Variants in DBNL observed in about 807,000 individuals in gnomAD.
DBNL encodes drebrin like, also known as drebrin-like protein.
DBNL carries 35 observed loss-of-function variants against 62.2 expected under a neutral mutation model. The ratio of observed to expected loss-of-function variants is 0.56; its 90% CI spans 0.43 to 0.75. DBNL has a LOEUF of 0.75. Among genes scored for constraint, DBNL ranks in the 30% least tolerant of loss-of-function variants. The probability of loss-of-function intolerance (pLI) is 0.00; values close to 1 mark genes in which losing one functional copy is unlikely to be tolerated. For missense variants in DBNL, 495 were observed against 578.4 expected (o/e 0.86, Z 1.48); for synonymous variants, 197 against 218.0 (o/e 0.90, Z 0.85).
intron 1 of DBNL, 162 bp from the exon 2 acceptor site, chr7:44,050,063 C>T: frequency 1.5e-6 from 1 of 667,854 alleles, no homozygotes; most frequent in Admixed American, 2.5e-5. Flanking sequence ...TACTGAGAAC[C>T]TGCCTAGTGG....
chr7:44,059,445 G>A lies in DBNL; in HGVS notation c.927G>A (p.Arg309=). Residue 309 remains arginine (R), a synonymous_variant, in exon 10 of 13, where the codon AGG becomes AGA. Coordinates refer to ENST00000448521, the MANE Select transcript of DBNL (RefSeq NM_001014436.3). The surrounding 1 kb of genome is among the most constrained non-coding windows in gnomAD (Gnocchi z 4.1). ...CAGCTGCTGCCATCTCAAGGCCCAG[G>A]GCAGGCAAGGCGCTTGTCACCCCAT... ...REPAAAISRP[R]ADLPAEEPAP... 6.2e-7 allele frequency: 1 copy of A among 1,614,044 alleles called. No individual in the cohort carries two copies. Among genetic ancestry groups the A allele is most frequent in the South Asian group, 1.1e-5 (1 of 91,082 alleles).
intron 1 of DBNL, among the ~76,000 whole-genome samples, chr7:44,048,699 G>T (rs552589658): frequency 7.2e-4 from 109 of 152,328 alleles, no homozygotes; most frequent in African/African-American, 2.5e-3. Flanking sequence ...TTTAGAGCCT[G>T]GGGAGATGAC....
chr7:44,057,493 G>A (rs911654671), intron 5 of DBNL, among the ~76,000 whole-genome samples: 1 of 152,202 alleles, frequency 6.6e-6, no homozygotes, highest in African/African-American at 2.4e-5. Context: ...GGGTATGGGG[G>A]CCTTTCTTGC....
chr7:44,054,531 T>C (rs769619962), intron 4 of DBNL, among the ~76,000 whole-genome samples: 4 of 152,102 alleles, frequency 2.6e-5, no homozygotes, highest in Non-Finnish European at 4.4e-5. Context: ...GTTGTACATA[T>C]TTTTTGCATA....
Position 44,053,421 on chromosome 7 carries a change from TGGTCACTTGTCA to T in DBNL, c.327+484_327+495del, listed in dbSNP as rs1233367120. ...AACTATTTGTAACAAAAGCATTTGT[TGGTCACTTGTCA>T]GGTAACTTTTTGCATTTCTCTGGCA... On this transcript the variant is annotated intron_variant, in intron 4 of 12. Coordinates refer to ENST00000448521, the MANE Select transcript of DBNL (RefSeq NM_001014436.3). Among the ~76,000 whole-genome samples the T allele has an allele frequency of 2.0e-5, 3 of 152,220 alleles. No individual in the cohort carries two copies. In the East Asian group the frequency reaches 5.8e-4, roughly 29 times the overall value.
At chr7:44,048,162 G>A (rs1585976769) in intron 1 of DBNL, among the ~76,000 whole-genome samples, 2 of 152,230 alleles carry the variant, frequency 1.3e-5, no homozygotes, top group South Asian at 2.1e-4. Flanking sequence ...TGATCCACCC[G>A]CCTTGGCCTC....
Position 44,058,239 on chromosome 7 carries a change from G to C in DBNL, c.663G>C (p.Glu221Asp). The C allele has an allele frequency of 6.3e-7, 1 of 1,578,908 alleles. No homozygotes were observed. Among genetic ancestry groups the C allele is most frequent in the Non-Finnish European group, 8.6e-7 (1 of 1,163,894 alleles). Reference protein sequence around the residue: ...ERELREAARREQRYQEQGGEA... With the variant: ...ERELREAARRDQRYQEQGGEA... ...AGCTGCGTGAGGCTGCACGCCGGGAGCAGCGCTATCAGGAGCAGGGTGGCG... is the reference window on the plus strand; with the variant it reads ...AGCTGCGTGAGGCTGCACGCCGGGACCAGCGCTATCAGGAGCAGGGTGGCG... The change falls in exon 7 of 13, where the codon GAG becomes GAC. Residue 221 changes from glutamate to aspartate, a missense_variant. Transcript: ENST00000448521.
chr7:44,061,242 C>T lies in DBNL; in HGVS notation c.*326C>T, dbSNP rs1236900023. The T allele has an allele frequency of 3.2e-6, 1 of 311,126 alleles. No homozygotes were observed. Among genetic ancestry groups the T allele is most frequent in the Non-Finnish European group, 6.0e-6 (1 of 166,316 alleles). 19.3% of individuals were successfully genotyped at this position (311,126 alleles called of 1,614,324 possible). A position where few individuals can be genotyped will look rare whatever the true frequency, so the allele number is the denominator to read the frequency against. ...TGCGGGGAAGGGTCCTGAGCAGGGG[C>T]ATCTGGGAGGCTCTGGCTGCCTTCT... On this transcript the variant is annotated 3_prime_UTR_variant, in exon 13 of 13. Transcript: ENST00000448521.
intron 1 of DBNL, among the ~76,000 whole-genome samples, chr7:44,045,692 G>C (rs987174824): frequency 1.3e-5 from 2 of 152,338 alleles, no homozygotes; most frequent in East Asian, 3.9e-4. Context: ...CCCTTGTGTG[G>C]GGGCCATCTC....
chr7:44,051,803 C>G, intron 2 of DBNL, 27 bp from the exon 3 acceptor site: 1 of 1,611,770 alleles, frequency 6.2e-7, no homozygotes. Context: ...AGGGCCACCC[C>G]TGACCTTCAC....
chr7:44,060,103 G>A lies in DBNL; in HGVS notation c.1103G>A (p.Gly368Glu), dbSNP rs753433459. The A allele has an allele frequency of 4.3e-6, 7 of 1,613,558 alleles. No homozygotes were observed. Among genetic ancestry groups the A allele is most frequent in the African/African-American group, 1.3e-5 (1 of 74,926 alleles). Residue 368 changes from glycine (G) to glutamate (E), a missense_variant, in exon 12 of 13, where the codon GGG (glycine) becomes GAG (glutamate). Physicochemically the swap from Gly to Glu is moderately conservative, Grantham distance 98 (BLOSUM62 -2). Coordinates refer to ENST00000448521, the MANE Select transcript of DBNL (RefSeq NM_001014436.3). The surrounding 1 kb of genome is among the most constrained non-coding windows in gnomAD (Gnocchi z 6.3). The stretch of plus-strand genomic sequence containing the variant: ...ATTGACCACCACATTCAGGGCCAGG[G>A]GCTCAGTGGGCAAGGGCTCTGTGCC... ...EHIDHHIQGQ[G>E]LSGQGLCARA...
rs769507989 is a variant in DBNL at position 44,058,495 on chromosome 7, C to T, written c.753+15C>T. 1.4e-5 allele frequency: 23 copies of T among 1,613,734 alleles called. No homozygotes were observed. In the East Asian group the frequency reaches 4.9e-4, roughly 34 times the overall value. On this transcript the variant is annotated intron_variant, in intron 8 of 12. Coordinates refer to ENST00000448521, the MANE Select transcript of DBNL (RefSeq NM_001014436.3). ...GAAATGAGCAGGTAAGATGGGGGTGCTCTACTTGTTTGGACCTGTCCTGGC... is the reference window on the plus strand; with the variant it reads ...GAAATGAGCAGGTAAGATGGGGGTGTTCTACTTGTTTGGACCTGTCCTGGC...
At position 44,051,864 on chromosome 7, in the gene DBNL, C is replaced by T. The variant is rs763649371; in HGVS notation, c.174C>T (p.Asn58=). The T allele has an allele frequency of 6.2e-7, 1 of 1,614,144 alleles. No individual in the cohort carries two copies. Among genetic ancestry groups the T allele is most frequent in the Non-Finnish European group, 8.5e-7 (1 of 1,180,022 alleles). ...GGLEEMVEEL[N]SGKVMYAFCR... is the part of the protein sequence containing the mutation. ...TGGAGGAGATGGTGGAGGAGCTCAACAGCGGGAAGGTGATGTACGCCTTCT... is the reference window on the plus strand; with the variant it reads ...TGGAGGAGATGGTGGAGGAGCTCAATAGCGGGAAGGTGATGTACGCCTTCT... Residue 58 remains asparagine, a synonymous_variant, in exon 3 of 13, where the codon AAC becomes AAT. Coordinates refer to ENST00000448521, the MANE Select transcript of DBNL (RefSeq NM_001014436.3).
At position 44,058,122 on chromosome 7, in the gene DBNL, C is replaced by T; in HGVS notation, c.553-7C>T. 6.4e-7 allele frequency: 1 copy of T among 1,553,764 alleles called. No individual in the cohort carries two copies. Among genetic ancestry groups the T allele is most frequent in the Non-Finnish European group, 8.7e-7 (1 of 1,148,750 alleles). On this transcript the variant is annotated splice_polypyrimidine_tract_variant and splice_region_variant and intron_variant, in intron 6 of 12. Coordinates refer to ENST00000448521, the MANE Select transcript of DBNL (RefSeq NM_001014436.3). ...TAGGGCTGAGCGGGCAGTGGCTCTC[C>T]CTGCAGAAGGAGGAGGAGAACCGTC...
intron 7 of DBNL, 71 bp downstream of exon 7, chr7:44,058,351 G>A: frequency 6.2e-7 from 1 of 1,606,766 alleles, no homozygotes; most frequent in East Asian, 2.2e-5. Context: ...TCCATCCCAT[G>A]GAGGCGAGGA....
At chr7:44,046,695 G>A (rs1007803399) in intron 1 of DBNL, among the ~76,000 whole-genome samples, 1 of 152,152 alleles carries the variant, frequency 6.6e-6, no homozygotes. Flanking sequence ...CACCCTCATC[G>A]TCACAGCCAT....
rs1442190591 is a variant in DBNL, at chr7:44,059,581, T to C, written c.970T>C (p.Cys324Arg). ...AEEPAPSTPP[C>R]LVQAEEEAVY... is the part of the protein sequence containing the mutation. ...GGAGCCGGCGCCCAGCACTCCTCCA[T>C]GTCTGGTGCAGGCAGAAGAGGAGGC... Residue 324 changes from cysteine (C) to arginine (R), a missense_variant, in exon 11 of 13, where the codon TGT (cysteine) becomes CGT (arginine). Physicochemically the swap from Cys to Arg is radical, Grantham distance 180 (BLOSUM62 -3). Transcript: ENST00000448521. This position sits in a 1 kb window ranked among gnomAD's most constrained non-coding sequence, Gnocchi z 4.1. The C allele has an allele frequency of 2.5e-6, 4 of 1,612,422 alleles. No individual in the cohort carries two copies.
rs1411591417 is a variant in DBNL, at chr7:44,067,109, C to T, written c.*6193C>T. The stretch of plus-strand genomic sequence containing the variant: ...TGGGAAAGGAGAGGCCGGGGACAGC[C>T]CTGAGGTGACATGTGAGTGGAAAGA... On this transcript the variant is annotated 3_prime_UTR_variant, in exon 13 of 13. Coordinates refer to ENST00000448521, the MANE Select transcript of DBNL (RefSeq NM_001014436.3). 1 of 152,492 alleles carries T rather than the reference C, an allele frequency of 6.6e-6. No individual in the cohort carries two copies. The highest frequency in any genetic ancestry group is 1.9e-4 in the East Asian group (1 of 5,202). 9.4% of individuals were successfully genotyped at this position (152,492 alleles called of 1,614,324 possible).
chr7:44,044,902 G>A (rs1562648050), intron 1 of DBNL, 82 bp downstream of exon 1: 2 of 1,308,786 alleles, frequency 1.5e-6, no homozygotes, highest in Non-Finnish European at 2.0e-6. Flanking sequence ...GACTCGGGGG[G>A]AGCGGGAGCG....
Sources: gnomAD v4.1 joint callset for allele counts (sites outside exome capture counted in the v4.1 genomes callset) on GRCh38, gnomAD v4.1.1 for gene constraint, Gnocchi (gnomAD v3.1) non-coding constraint, MANE v1.5 for transcripts, NCBI Gene and HGNC (gene_info 2026-07-23, HGNC 2026-07-21) for gene names.